SETBP1: variants seen among roughly 807,000 people sequenced by gnomAD.
The protein encoded by SETBP1 is SET-binding protein.
In SETBP1, 9 loss-of-function variants were observed where a neutral mutation model predicts 101.0. That is an observed-to-expected ratio of 0.09 (90% confidence interval 0.05 to 0.16). The LOEUF (loss-of-function observed/expected upper bound fraction) is 0.16, where lower values mean the gene tolerates loss of function less well. SETBP1 is among the 10% of genes least tolerant of loss of function. The pLI is 1.00. For missense variants in SETBP1, 1,858 were observed against 2,033.8 expected, an observed-to-expected ratio of 0.91 and a Z score of 1.66; for synonymous variants, 818 against 788.5, an observed-to-expected ratio of 1.04 and a Z score of -0.63.
intron 2 of SETBP1, among the ~76,000 whole-genome samples, chr18:44,834,237 G>T (rs2072441923): frequency 6.6e-6 from 1 of 152,140 alleles, no homozygotes. Flanking sequence ...TCCCAAGAGG[G>T]CTGGGGCCTC....
At chr18:44,913,608 A>G (rs1324293175) in intron 3 of SETBP1, among the ~76,000 whole-genome samples, 1 of 152,244 alleles carries the variant, frequency 6.6e-6, no homozygotes, top group Non-Finnish European at 1.5e-5. Context: ...GGGCTACAGT[A>G]GTAACAAAAG....
chr18:44,727,486 G>C (rs1285281257), intron 2 of SETBP1, among the ~76,000 whole-genome samples: 1 of 152,206 alleles, frequency 6.6e-6, no homozygotes, highest in African/African-American at 2.4e-5. Flanking sequence ...ACTTTTCAGT[G>C]TGGGGGGATG....
At chr18:45,023,855 C>G (rs1397440953) in intron 4 of SETBP1, among the ~76,000 whole-genome samples, 2 of 152,168 alleles carry the variant, frequency 1.3e-5, no homozygotes, top group African/African-American at 4.8e-5. Flanking sequence ...CGATAGCCCT[C>G]TGAGGTAGGA....
chr18:44,930,934 C>T (rs1489808434), intron 3 of SETBP1, among the ~76,000 whole-genome samples: 6 of 150,580 alleles, frequency 4.0e-5, no homozygotes, highest in Admixed American at 6.6e-5. Flanking sequence ...GTGTCTCTAT[C>T]TCCTTCAGTT....
At chr18:44,683,778 A>G (rs2068795150) in intron 1 of SETBP1, among the ~76,000 whole-genome samples, 1 of 152,206 alleles carries the variant, frequency 6.6e-6, no homozygotes. Context: ...CCAGAAAGCT[A>G]TTGAAGGCAG....
chr18:44,793,408 TCCAG>T (rs2071405505), intron 2 of SETBP1, among the ~76,000 whole-genome samples: 1 of 152,190 alleles, frequency 6.6e-6, no homozygotes, highest in African/African-American at 2.4e-5. Flanking sequence ...AATTCTAATT[TCCAG>T]CCCTGGTTGA....
intron 2 of SETBP1, among the ~76,000 whole-genome samples, chr18:44,815,026 A>G (rs1434610504): frequency 6.6e-6 from 1 of 152,214 alleles, no homozygotes; most frequent in Non-Finnish European, 1.5e-5. Flanking sequence ...ACTGCCTCAT[A>G]TGACAGACCC....
chr18:44,944,197 A>G (rs909626203), intron 3 of SETBP1, among the ~76,000 whole-genome samples: 2 of 152,162 alleles, frequency 1.3e-5, no homozygotes, highest in African/African-American at 2.4e-5. Flanking sequence ...TTCACTTGGA[A>G]TACCTACACA....
In SETBP1 at chr18:44,945,006, AT is replaced by A. The variant is rs112715507; in HGVS notation, c.541-4867del. Among the ~76,000 whole-genome samples, 1,065 of 151,928 alleles carry A rather than the reference AT, an allele frequency of 7.0e-3. 11 individuals are homozygous for A. Among genetic ancestry groups the A allele is most frequent in the African/African-American group, 0.023 (940 of 41,442 alleles). On this transcript the variant is annotated intron_variant, in intron 3 of 5. Coordinates refer to ENST00000649279, the MANE Select transcript of SETBP1 (RefSeq NM_015559.3). ...ACTTACACACACTTTATTTTTTTAT[AT>A]TTTTTTTATACTTTTAAGTTCTAGG...
intron 2 of SETBP1, among the ~76,000 whole-genome samples, chr18:44,857,685 T>C (rs1226684635): frequency 6.6e-6 from 1 of 152,172 alleles, no homozygotes; most frequent in Non-Finnish European, 1.5e-5. Context: ...CAGTGGGCAA[T>C]GTATAGAGAG....
chr18:44,847,322 G>A (rs1348175267), intron 2 of SETBP1, among the ~76,000 whole-genome samples: 2 of 152,228 alleles, frequency 1.3e-5, no homozygotes, highest in Non-Finnish European at 2.9e-5. Context: ...GCCTTACGCA[G>A]TTCTGCCACG....
intron 2 of SETBP1, among the ~76,000 whole-genome samples, chr18:44,854,231 A>G (rs1313384800): frequency 6.6e-6 from 1 of 152,110 alleles, no homozygotes; most frequent in Non-Finnish European, 1.5e-5. Flanking sequence ...TGTAGCAAGC[A>G]GATGAGAGGG....
intron 2 of SETBP1, among the ~76,000 whole-genome samples, chr18:44,835,092 C>T (rs986751370): frequency 2.0e-5 from 3 of 152,002 alleles, no homozygotes. Flanking sequence ...TAGAGGGAGC[C>T]ATTGAAGAGT....
At chr18:45,026,514 A>C (rs1291282306) in intron 4 of SETBP1, among the ~76,000 whole-genome samples, 1 of 152,218 alleles carries the variant, frequency 6.6e-6, no homozygotes, top group African/African-American at 2.4e-5. Flanking sequence ...CAATATGTTC[A>C]GCAATAGCCT....
chr18:44,800,779 T>C (rs1231212892), intron 2 of SETBP1, among the ~76,000 whole-genome samples: 1 of 151,958 alleles, frequency 6.6e-6, no homozygotes, highest in African/African-American at 2.4e-5. Context: ...GGAGAGAAAA[T>C]TACTGTCCCT....
At position 44,950,185 on chromosome 18, in the gene SETBP1, A is replaced by C; in HGVS notation, c.845A>C (p.Lys282Thr). ...NTWSQLSNNN[K>T]DLLLGGVAPS... is the part of the protein sequence containing the mutation. Reference sequence around the variant, plus strand: ...TGGAGTCAGTTGTCTAACAATAACAAAGATCTGCTCTTGGGAGGTGTGGCT... The same window carrying C: ...TGGAGTCAGTTGTCTAACAATAACACAGATCTGCTCTTGGGAGGTGTGGCT... The change falls in exon 4 of 6, where the codon AAA becomes ACA. Residue 282 changes from lysine (K) to threonine (T), a missense_variant. Coordinates refer to ENST00000649279, the MANE Select transcript of SETBP1 (RefSeq NM_015559.3). The C allele has an allele frequency of 1.2e-6, 2 of 1,613,936 alleles. No homozygotes were observed. The highest frequency in any genetic ancestry group is 1.7e-6 in the Non-Finnish European group (2 of 1,180,042).
chr18:44,927,341 G>A (rs1021847970), intron 3 of SETBP1, among the ~76,000 whole-genome samples: 12 of 152,212 alleles, frequency 7.9e-5, no homozygotes, highest in East Asian at 1.9e-4. Flanking sequence ...ACAGACAGGC[G>A]CCAGTGCTCA....
chr18:45,032,305 G>A (rs1599472909), intron 4 of SETBP1, among the ~76,000 whole-genome samples: 1 of 152,186 alleles, frequency 6.6e-6, no homozygotes, highest in Middle Eastern at 3.4e-3. Flanking sequence ...CAATTTTATA[G>A]GTGTTTCTGT....
rs367563879 is a variant in SETBP1 at position 44,736,082 on chromosome 18, G to A, written c.486+34250G>A. Among the ~76,000 whole-genome samples, 8 of 152,174 alleles carry A rather than the reference G, an allele frequency of 5.3e-5. No individual in the cohort carries two copies. The East Asian group carries it at 1.2e-3, about 22-fold the overall frequency. ...TTTTGGAATAGCCACAAAGGGAAAT[G>A]CCATATCATTAAGAAGGTCAGGCTG... On this transcript the variant is annotated intron_variant, in intron 2 of 5. Transcript: ENST00000649279.
Sources: allele counts gnomAD v4.1 joint callset (sites outside exome capture counted in the v4.1 genomes callset), GRCh38; gene constraint gnomAD v4.1.1; transcripts MANE v1.5; gene names NCBI Gene and HGNC (gene_info 2026-07-23, HGNC 2026-07-21).